The following ERI2 variants were observed in gnomAD, a reference collection of about 807,000 sequenced individuals.
ERI2 encodes the protein ERI1 exoribonuclease 2.
ERI2 carries 35 observed loss-of-function variants against 46.8 expected under a neutral mutation model. The observed-to-expected ratio is 0.75, with a 90% CI of 0.57 to 0.99. The LOEUF (loss-of-function observed/expected upper bound fraction) is 0.99, where lower values mean the gene tolerates loss of function less well. Ranked by LOEUF, ERI2 falls within the 50% of genes least tolerant of loss-of-function variation. The pLI is 0.00. For synonymous variants in ERI2, 224 were observed against 271.0 expected (o/e 0.83, Z 1.70); for missense variants, 695 against 796.2 (o/e 0.87, Z 1.53).
At chr16:20,799,440 C>T (rs1303165571) in intron 7 of ERI2, 89 bp from the exon 8 acceptor site, 1 of 1,240,738 alleles carries the variant, frequency 8.1e-7, no homozygotes, top group Non-Finnish European at 1.1e-6. Context: ...AAAAACACCA[C>T]TTGTGTAGAA....
chr16:20,804,859 T>C (rs2080837979), intron 1 of ERI2, among the ~76,000 whole-genome samples: 1 of 152,162 alleles, frequency 6.6e-6, no homozygotes, highest in Admixed American at 6.5e-5. Flanking sequence ...TATTGACTGC[T>C]TACTACATAG....
At chr16:20,799,808 T>C (rs1043282960) in intron 7 of ERI2, 149 bp downstream of exon 7, 2 of 556,312 alleles carry the variant, frequency 3.6e-6, no homozygotes, top group Non-Finnish European at 6.5e-6. Context: ...AATTTGAAAG[T>C]CTTAGAAACA....
chr16:20,785,499 C>T (rs897352162), intron 10 of ERI2, among the ~76,000 whole-genome samples: 1 of 151,840 alleles, frequency 6.6e-6, no homozygotes, highest in Non-Finnish European at 1.5e-5. Flanking sequence ...AACTCCTTAG[C>T]AACCATACTC....
chr16:20,802,565 CT>C (rs1477141087), intron 4 of ERI2, among the ~76,000 whole-genome samples: 2 of 150,422 alleles, frequency 1.3e-5, no homozygotes, highest in Admixed American at 6.6e-5. Context: ...CCAAGTCAGG[CT>C]AATTTAAATT....
chr16:20,785,101 T>C (rs1339614675), intron 10 of ERI2: 3 of 1,613,156 alleles, frequency 1.9e-6, no homozygotes, highest in Non-Finnish European at 2.5e-6. Flanking sequence ...ATGGACAGAC[T>C]GAAACGGTAC....
chr16:20,792,902 C>T (rs1034978115), downstream of ERI2, among the ~76,000 whole-genome samples: 1 of 152,182 alleles, frequency 6.6e-6, no homozygotes, highest in Admixed American at 6.5e-5. Flanking sequence ...AAGTACCATG[C>T]CAGGCAGCCT....
intron 10 of ERI2, chr16:20,781,080 T>G: frequency 6.2e-7 from 1 of 1,614,184 alleles, no homozygotes; most frequent in Non-Finnish European, 8.5e-7. Context: ...CCAGGGAGCA[T>G]GTGTATTCAC....
rs1330497159 is a variant in ERI2, at chr16:20,797,734, A to C, written c.2066T>G (p.Met689Arg). 6.5e-7 allele frequency: 1 copy of C among 1,542,906 alleles called. No homozygotes were observed. The highest frequency in any genetic ancestry group is 2.0e-5 in the Admixed American group (1 of 49,062). Residue 689 changes from methionine (M) to arginine (R), a missense_variant, in exon 9 of 9, where the codon ATG (methionine) becomes AGG (arginine). By Grantham distance (91) the Met-to-Arg change is moderately conservative. Transcript: ENST00000357967. ...TKNSLRLRPS[M>R]RN is the part of the protein sequence containing the mutation. ...ATACATGAAAGGTTATCAATTCCTC[A>C]TTGAAGGCCTGAGTCTCAAAGAATT...
At chr16:20,803,348 T>C in intron 3 of ERI2, 85 bp downstream of exon 3, 1 of 1,459,446 alleles carries the variant, frequency 6.9e-7, no homozygotes. Flanking sequence ...CATCCTGTTT[T>C]CTTAAACTTT....
downstream of ERI2, among the ~76,000 whole-genome samples, chr16:20,795,198 T>A (rs1344053415): frequency 1.3e-5 from 2 of 152,304 alleles, no homozygotes; most frequent in East Asian, 3.9e-4. Context: ...TGTTGTTTTT[T>A]TTCTTAGAGA....
intron 10 of ERI2, among the ~76,000 whole-genome samples, chr16:20,788,251 T>C (rs973437958): frequency 3.9e-5 from 6 of 152,240 alleles, no homozygotes; most frequent in African/African-American, 1.4e-4. Context: ...AGCACACTCA[T>C]GTCTGCATTA....
rs181726564 is a variant in ERI2, at chr16:20,805,978, A to G, written c.23+430T>C. 4 of 1,053,770 alleles carry G rather than the reference A, an allele frequency of 3.8e-6. No homozygotes were observed. The African/African-American group carries it at 6.7e-5, about 18-fold the overall frequency. 65.3% of individuals were successfully genotyped at this position (1,053,770 alleles called of 1,614,324 possible). A position where few individuals can be genotyped will look rare whatever the true frequency, so the allele number is the denominator to read the frequency against. On this transcript the variant is annotated intron_variant, in intron 1 of 8. Transcript: ENST00000357967. ...AAGTAAAAATGGCCTTACTAAATAA[A>G]TTAAATTTAAGTTTAAGTTCTATTT...
In ERI2 at chr16:20,797,603, A is replaced by C. The variant is rs2080745202; in HGVS notation, c.*121T>G. The C allele has an allele frequency of 2.3e-6, 3 of 1,320,748 alleles. No homozygotes were observed. The highest frequency in any genetic ancestry group is 2.9e-6 in the Non-Finnish European group (3 of 1,037,558). 81.8% of individuals were successfully genotyped at this position (1,320,748 alleles called of 1,614,324 possible). A position where few individuals can be genotyped will look rare whatever the true frequency, so the allele number is the denominator to read the frequency against. On this transcript the variant is annotated 3_prime_UTR_variant, in exon 9 of 9. Transcript: ENST00000357967. Reference sequence around the variant, plus strand: ...AAGATTACACTTGTGGTTCCTGAAGAAAGTATGGTAAATGCAGTAAACATT... The same window carrying C: ...AAGATTACACTTGTGGTTCCTGAAGCAAGTATGGTAAATGCAGTAAACATT...
rs772910375 is a variant in ERI2 at position 20,785,063 on chromosome 16, A to G, written c.895-4329T>C. The G allele has an allele frequency of 3.7e-5, 60 of 1,613,636 alleles. 1 individual carries two copies. The Admixed American group carries it at 8.0e-4, about 22-fold the overall frequency. On this transcript the variant is annotated intron_variant, in intron 10 of 10. Transcript: ENST00000300005. ...TGACGTGACTGAAAAATGGAGAAAC[A>G]AGACGGGCCTGGATATCTACGAAGG...
intron 10 of ERI2, chr16:20,789,423 C>A: frequency 7.8e-7 from 1 of 1,286,678 alleles, no homozygotes; most frequent in Non-Finnish European, 1.1e-6. Flanking sequence ...GTAGACACTT[C>A]AGGGAATGAT....
intron 1 of ERI2, 127 bp downstream of exon 1, chr16:20,806,281 G>A: frequency 1.4e-6 from 2 of 1,448,810 alleles, no homozygotes; most frequent in Non-Finnish European, 1.8e-6. Flanking sequence ...AGGGCAGGTC[G>A]CAGACGCCGG....
Position 20,796,498 on chromosome 16 carries a change from C to G in ERI2, c.*1226G>C, listed in dbSNP as rs762042962. 3.1e-6 allele frequency: 5 copies of G among 1,610,040 alleles called. No individual in the cohort carries two copies. The East Asian group carries it at 1.1e-4, about 36-fold the overall frequency. On this transcript the variant is annotated 3_prime_UTR_variant, in exon 9 of 9. Transcript: ENST00000357967. The stretch of plus-strand genomic sequence containing the variant: ...ACAAATATCCCAGAAAGGTAGGCAT[C>G]CTAATTATAACGAATATTTGCTCAG...
intron 10 of ERI2, chr16:20,781,252 T>A (rs1159338424): frequency 4.0e-6 from 5 of 1,251,150 alleles, no homozygotes; most frequent in Non-Finnish European, 5.5e-6. Context: ...ATATGTCACA[T>A]CCAGAAAGTC....
At chr16:20,789,744 G>C (rs1159139401) in intron 9 of ERI2, among the ~76,000 whole-genome samples, 2 of 140,024 alleles carry the variant, frequency 1.4e-5, no homozygotes, top group African/African-American at 2.7e-5. Context: ...GAGTGATCTC[G>C]GCTCACTGCA....
Sources: gnomAD v4.1 joint callset for allele counts (sites outside exome capture counted in the v4.1 genomes callset) on GRCh38, gnomAD v4.1.1 for gene constraint, MANE v1.5 for transcripts, NCBI Gene and HGNC (gene_info 2026-07-23, HGNC 2026-07-21) for gene names.